RPS6KC1: variants seen among roughly 807,000 people sequenced by gnomAD.
RPS6KC1 encodes the protein ribosomal protein S6 kinase C1, also known as inactive ribosomal protein S6 kinase delta-1.
In RPS6KC1, 54 loss-of-function variants were observed where a neutral mutation model predicts 103.8. The ratio of observed to expected loss-of-function variants is 0.52; its 90% CI spans 0.42 to 0.65. The LOEUF (loss-of-function observed/expected upper bound fraction) is 0.65. Ranked by LOEUF, RPS6KC1 falls within the 30% of genes least tolerant of loss-of-function variation. The probability of loss-of-function intolerance (pLI) is 0.00; values close to 1 mark genes in which losing one functional copy is unlikely to be tolerated. For synonymous variants in RPS6KC1, 439 were observed against 438.7 expected, an observed-to-expected ratio of 1.00 and a Z score of -0.01; for missense variants, 1,151 against 1,253.8, an observed-to-expected ratio of 0.92 and a Z score of 1.24.
At chr1:213,451,842 C>T in the RPS6KC1 span, among the ~76,000 whole-genome samples, 9 of 152,162 alleles carry the variant, frequency 5.9e-5, no homozygotes, top group Admixed American at 6.5e-5. Flanking sequence ...AGGGGAGTCC[C>T]GGATGGAAGG....
At chr1:213,713,423 A>G in the RPS6KC1 span, among the ~76,000 whole-genome samples, 1 of 152,170 alleles carries the variant, frequency 6.6e-6, no homozygotes, top group Non-Finnish European at 1.5e-5. Context: ...AGAAATATTT[A>G]TTCACAACTT....
chr1:213,623,990 A>G, the RPS6KC1 span, among the ~76,000 whole-genome samples: 1 of 152,246 alleles, frequency 6.6e-6, no homozygotes, highest in African/African-American at 2.4e-5. Context: ...CAAGCTAAAA[A>G]GCAGCATTGT....
chr1:213,119,496 A>G (rs557275256), intron 5 of RPS6KC1, among the ~76,000 whole-genome samples: 6 of 95,032 alleles, frequency 6.3e-5, no homozygotes, highest in Admixed American at 1.3e-4. Flanking sequence ...ATATATATAT[A>G]TATGAGAGTA....
intron 6 of RPS6KC1, among the ~76,000 whole-genome samples, chr1:213,137,825 T>TTTTTTTTTTTC (rs1212063885): frequency 1.6e-5 from 2 of 123,422 alleles, no homozygotes; most frequent in Non-Finnish European, 3.3e-5. Context: ...TTTTTTTTTT[T>TTTTTTTTTTTC]TCCTTCCCCC....
chr1:213,210,898 G>A (rs897895581), intron 8 of RPS6KC1, among the ~76,000 whole-genome samples: 3 of 152,202 alleles, frequency 2.0e-5, no homozygotes, highest in Non-Finnish European at 4.4e-5. Context: ...CATTATGAGA[G>A]AACATTTATT....
intron 4 of RPS6KC1, among the ~76,000 whole-genome samples, chr1:213,109,555 TG>T (rs2082818262): frequency 6.6e-6 from 1 of 151,832 alleles, no homozygotes; most frequent in African/African-American, 2.4e-5. Flanking sequence ...TGAATTAAAC[TG>T]TTTTTTTTTC....
chr1:213,785,623 A>G, the RPS6KC1 span, among the ~76,000 whole-genome samples: 1 of 152,154 alleles, frequency 6.6e-6, no homozygotes, highest in Non-Finnish European at 1.5e-5. Context: ...GCTATTATGA[A>G]TGATTAGCAA....
At chr1:213,707,851 T>C in the RPS6KC1 span, among the ~76,000 whole-genome samples, 1 of 152,202 alleles carries the variant, frequency 6.6e-6, no homozygotes, top group African/African-American at 2.4e-5. Context: ...CAGATGGTTG[T>C]AGATGTGTGG....
the RPS6KC1 span, among the ~76,000 whole-genome samples, chr1:213,843,900 A>T: frequency 1.3e-5 from 2 of 151,988 alleles, no homozygotes; most frequent in African/African-American, 4.8e-5. Context: ...TGTAAGAAAA[A>T]GACTCTTTAA....
chr1:213,861,224 G>A, the RPS6KC1 span, among the ~76,000 whole-genome samples: 1 of 152,146 alleles, frequency 6.6e-6, no homozygotes, highest in Non-Finnish European at 1.5e-5. Context: ...TTCAGAGTGG[G>A]CCTTAAATCT....
At chr1:213,278,961 C>A (rs947639400), downstream of RPS6KC1, among the ~76,000 whole-genome samples, 1 of 151,598 alleles carries the variant, frequency 6.6e-6, no homozygotes, top group Non-Finnish European at 1.5e-5. Context: ...TGTATAAAGG[C>A]ATGGAGATGG....
At chr1:213,195,172 A>G (rs879666962) in intron 8 of RPS6KC1, among the ~76,000 whole-genome samples, 32 of 152,228 alleles carry the variant, frequency 2.1e-4, no homozygotes, top group Non-Finnish European at 4.0e-4. Flanking sequence ...GGAGAATCAC[A>G]GAGTGAGCAT....
At position 213,169,129 on chromosome 1, in the gene RPS6KC1, C is replaced by T. The variant is rs139515082; in HGVS notation, c.951+1156C>T. Among the ~76,000 whole-genome samples the T allele has an allele frequency of 1.6e-3, 243 of 152,274 alleles. 1 individual carries two copies. Among genetic ancestry groups the T allele is most frequent in the Non-Finnish European group, 2.8e-3 (193 of 68,026 alleles). The stretch of plus-strand genomic sequence containing the variant: ...TCAAGTGCCTCTCTAGCATGAAGAT[C>T]AGCCCATAAGCCAAAGACTAAGTTT... On this transcript the variant is annotated intron_variant, in intron 7 of 14. Transcript: ENST00000366960.
chr1:213,677,420 C>T, the RPS6KC1 span, among the ~76,000 whole-genome samples: 1 of 152,134 alleles, frequency 6.6e-6, no homozygotes, highest in Admixed American at 6.5e-5. Context: ...TGCCAATTAC[C>T]AGCCCAGTTC....
At position 213,077,698 on chromosome 1, in the gene RPS6KC1, A is replaced by G; in HGVS notation, c.144A>G (p.Ile48Met). The part of the protein sequence containing the change: ...SRRNPEDVQE[I>M]IVWKRYSDFK... ...ATGTTTAATTTTTTTCTCTCTAGATAATTGTATGGAAGAGATACAGTGATT... is the reference window on the plus strand; with the variant it reads ...ATGTTTAATTTTTTTCTCTCTAGATGATTGTATGGAAGAGATACAGTGATT... The change falls in exon 3 of 15, where the codon ATA becomes ATG. Residue 48 changes from isoleucine (I) to methionine (M), a missense_variant and splice_region_variant. Physicochemically the swap from Ile to Met is conservative, Grantham distance 10. Around this residue, in one of 3 missense-constraint regions of RPS6KC1, gnomAD observed 959 missense variants for 1,006.3 expected, o/e 0.95. Coordinates refer to ENST00000366960, the MANE Select transcript of RPS6KC1 (RefSeq NM_012424.6). The G allele has an allele frequency of 6.9e-7, 1 of 1,442,290 alleles. No individual in the cohort carries two copies. The highest frequency in any genetic ancestry group is 9.4e-7 in the Non-Finnish European group (1 of 1,059,358). The allele number at this position is 1,442,290 out of a possible 1,614,324, so 89.3% of individuals were successfully genotyped here. A position where few individuals can be genotyped will look rare whatever the true frequency, so the allele number is the denominator to read the frequency against.
intron 8 of RPS6KC1, among the ~76,000 whole-genome samples, chr1:213,183,368 T>G (rs186403727): frequency 6.6e-6 from 1 of 152,304 alleles, no homozygotes; most frequent in Non-Finnish European, 1.5e-5. Flanking sequence ...ACACATTCTT[T>G]TGCAGTGCCC....
Position 213,273,496 on chromosome 1 carries a change from C to T in RPS6KC1, c.*862C>T, listed in dbSNP as rs1378864360. On this transcript the variant is annotated 3_prime_UTR_variant, in exon 15 of 15. Transcript: ENST00000366960. ...CTTCTTCATTTAATAACCCTCCCCC[C>T]TTTTTTTCCTTGAAGAAATGCGTCT... The T allele has an allele frequency of 6.6e-6, 1 of 152,584 alleles. No homozygotes were observed. The highest frequency in any genetic ancestry group is 1.5e-5 in the Non-Finnish European group (1 of 68,016). 9.5% of individuals were successfully genotyped at this position (152,584 alleles called of 1,614,324 possible). A position where few individuals can be genotyped will look rare whatever the true frequency, so the allele number is the denominator to read the frequency against.
At chr1:213,360,345 G>A in the RPS6KC1 span, among the ~76,000 whole-genome samples, 1 of 152,156 alleles carries the variant, frequency 6.6e-6, no homozygotes, top group Non-Finnish European at 1.5e-5. Flanking sequence ...CCAGTTGATT[G>A]AATCGGCTAC....
At chr1:213,363,104 CA>C in the RPS6KC1 span, among the ~76,000 whole-genome samples, 1 of 152,190 alleles carries the variant, frequency 6.6e-6, no homozygotes. Flanking sequence ...CATCTATCAG[CA>C]GCATCCTGCT....
Sources: gnomAD v4.1 joint callset for allele counts (sites outside exome capture counted in the v4.1 genomes callset) on GRCh38, gnomAD v4.1.1 for gene constraint, gnomAD v4.1.1 regional missense constraint, MANE v1.5 for transcripts, NCBI Gene and HGNC (gene_info 2026-07-23, HGNC 2026-07-21) for gene names.